The following MDM2 variants were observed in gnomAD, a reference collection of about 807,000 sequenced individuals.
MDM2 encodes the protein MDM2 proto-oncogene.
A neutral mutation model predicts 64.3 loss-of-function variants in MDM2; 11 were observed. The observed-to-expected ratio is 0.17, with a 90% CI of 0.11 to 0.28. The LOEUF (loss-of-function observed/expected upper bound fraction) is 0.28. Among genes scored for constraint, MDM2 ranks in the 10% least tolerant of loss-of-function variants. The probability of loss-of-function intolerance (pLI) is 1.00; values close to 1 mark genes in which losing one functional copy is unlikely to be tolerated. For missense variants in MDM2, 388 were observed against 577.1 expected (o/e 0.67, Z 3.36); for synonymous variants, 194 against 192.9 (o/e 1.01, Z -0.05).
rs757991854 is a variant in MDM2, at chr12:68,820,394, C to T, written c.358+20C>T. On this transcript the variant is annotated intron_variant, in intron 5 of 10. Transcript: ENST00000258149. ...AGCAGGGTAAGTTAATTTTGAGCAT[C>T]ATGGATAAATACCATAAAAACGTTT... 1.1e-5 allele frequency: 17 copies of T among 1,583,074 alleles called. No individual in the cohort carries two copies. In the South Asian group the frequency reaches 1.7e-4, roughly 16 times the overall value.
intron 4 of MDM2, among the ~76,000 whole-genome samples, chr12:68,817,749 A>G (rs1384995152): frequency 6.6e-6 from 1 of 151,948 alleles, no homozygotes; most frequent in African/African-American, 2.4e-5. Context: ...GCAAAACTGC[A>G]TCTGAAAAAA....
At chr12:68,820,671 A>G (rs1401085662) in intron 5 of MDM2, among the ~76,000 whole-genome samples, 1 of 152,204 alleles carries the variant, frequency 6.6e-6, no homozygotes, top group East Asian at 1.9e-4. Context: ...CTACCTTGAA[A>G]ATGTATTGAA....
chr12:68,822,747 T>C (rs1045372955), intron 5 of MDM2, among the ~76,000 whole-genome samples: 1 of 48,264 alleles, frequency 2.1e-5, no homozygotes, highest in Non-Finnish European at 4.6e-5. Context: ...ACTTTGTCAC[T>C]TTTTTTTTTT....
At chr12:68,813,717 A>C in intron 3 of MDM2, 89 bp downstream of exon 3, 1 of 889,636 alleles carries the variant, frequency 1.1e-6, no homozygotes, top group Non-Finnish European at 1.8e-6. Context: ...AATTGGCCAT[A>C]TAGAAGGATT....
chr12:68,841,396 C>T lies in MDM2; in HGVS notation c.*1547C>T, dbSNP rs564545272. The T allele has an allele frequency of 9.6e-6, 2 of 208,136 alleles. No homozygotes were observed. Among genetic ancestry groups the T allele is most frequent in the East Asian group, 1.4e-4 (2 of 13,800 alleles). The allele number at this position is 208,136 out of a possible 1,614,324, so 12.9% of individuals were successfully genotyped here. The stretch of plus-strand genomic sequence containing the variant: ...GATTACAGGCGTTAGCCACCACACC[C>T]GGCTGTAAAAATGTACTTATTCTCC... On this transcript the variant is annotated 3_prime_UTR_variant, in exon 11 of 11. Coordinates refer to ENST00000258149, the MANE Select transcript of MDM2 (RefSeq NM_002392.6).
downstream of MDM2, chr12:68,846,157 G>A (rs1365554795): frequency 6.6e-6 from 1 of 152,232 alleles, no homozygotes; most frequent in Non-Finnish European, 1.5e-5. Context: ...GTTTCAGCAT[G>A]TTGTCCAGGC....
chr12:68,808,373 A>C lies in MDM2; in HGVS notation c.-105A>C. 6.8e-7 allele frequency: 1 copy of C among 1,477,896 alleles called. No individual in the cohort carries two copies. Among genetic ancestry groups the C allele is most frequent in the East Asian group, 2.3e-5 (1 of 43,746 alleles). The allele number at this position is 1,477,896 out of a possible 1,614,324, so 91.5% of individuals were successfully genotyped here. A position where few individuals can be genotyped will look rare whatever the true frequency, so the allele number is the denominator to read the frequency against. Reference sequence around the variant, plus strand: ...ACGAGCGCCCAGTGCCCTGGCCCGGAGAGTGGAATGATCCCCGAGGCCCAG... The same window carrying C: ...ACGAGCGCCCAGTGCCCTGGCCCGGCGAGTGGAATGATCCCCGAGGCCCAG... On this transcript the variant is annotated 5_prime_UTR_variant, in exon 1 of 11. Coordinates refer to ENST00000258149, the MANE Select transcript of MDM2 (RefSeq NM_002392.6).
At chr12:68,812,636 G>A (rs1881005095) in intron 2 of MDM2, among the ~76,000 whole-genome samples, 1 of 152,100 alleles carries the variant, frequency 6.6e-6, no homozygotes, top group Non-Finnish European at 1.5e-5. Flanking sequence ...TTTTTGTAGA[G>A]GTGGAGTCTC....
At chr12:68,831,505 C>T (rs932131537) in intron 8 of MDM2, among the ~76,000 whole-genome samples, 1 of 152,124 alleles carries the variant, frequency 6.6e-6, no homozygotes, top group Non-Finnish European at 1.5e-5. Context: ...TGTTAGGTAC[C>T]TGATGGAGCA....
At position 68,834,122 on chromosome 12, in the gene MDM2, A is replaced by C. The variant is rs115722191; in HGVS notation, c.685-1707A>C. On this transcript the variant is annotated intron_variant, in intron 8 of 10. Coordinates refer to ENST00000258149, the MANE Select transcript of MDM2 (RefSeq NM_002392.6). ...ATCATTTAATCTAAGCTCCTTTTCT[A>C]GATGAAGTAGCTACAGCCTTTAGAA... Among the ~76,000 whole-genome samples, 758 of 152,276 alleles carry C rather than the reference A, an allele frequency of 5.0e-3. 5 individuals carry two copies. The highest frequency in any genetic ancestry group is 0.017 in the African/African-American group (708 of 41,566).
In MDM2 at chr12:68,839,568, A is replaced by G. The variant is rs1293580721; in HGVS notation, c.1213A>G (p.Thr405Ala). 3 of 1,613,900 alleles carry G rather than the reference A, an allele frequency of 1.9e-6. No individual in the cohort carries two copies. The highest frequency in any genetic ancestry group is 2.5e-6 in the Non-Finnish European group (3 of 1,180,034). ...AAGTGAAGACTATTCTCAGCCATCA[A>G]CTTCTAGTAGCATTATTTATAGCAG... ...QESEDYSQPS[T>A]SSSIIYSSQE... The change falls in exon 11 of 11, where the codon ACT becomes GCT. Residue 405 changes from threonine to alanine, a missense_variant. Around this residue, in one of 5 missense-constraint regions of MDM2, gnomAD observed 138 missense variants for 143.7 expected, o/e 0.96. Coordinates refer to ENST00000258149, the MANE Select transcript of MDM2 (RefSeq NM_002392.6).
At position 68,809,280 on chromosome 12, in the gene MDM2, A is replaced by G. The variant is rs774382161; in HGVS notation, c.87A>G (p.Glu29=). 4.3e-6 allele frequency: 7 copies of G among 1,614,082 alleles called. No individual in the cohort carries two copies. The highest frequency in any genetic ancestry group is 5.9e-6 in the Non-Finnish European group (7 of 1,179,934). The change falls in exon 2 of 11, where the codon GAA becomes GAG. Residue 29 remains glutamate, a synonymous_variant. Transcript: ENST00000258149. ...AVTTSQIPAS[E]QETLVRPKPL... The stretch of plus-strand genomic sequence containing the variant: ...CCACCTCACAGATTCCAGCTTCGGA[A>G]CAAGAGACCCTGGTTAGTATTTTTG...
At position 68,836,632 on chromosome 12, in the gene MDM2, A is replaced by G. The variant is rs186764382; in HGVS notation, c.841-40A>G. 1.7e-4 allele frequency: 245 copies of G among 1,407,560 alleles called. No homozygotes were observed. The African/African-American group carries it at 3.1e-3, about 18-fold the overall frequency. 87.2% of individuals were successfully genotyped at this position (1,407,560 alleles called of 1,614,324 possible). On this transcript the variant is annotated intron_variant, in intron 9 of 10. Coordinates refer to ENST00000258149, the MANE Select transcript of MDM2 (RefSeq NM_002392.6). ...CTAGGAAGCCTTCTGATTGAAGGAA[A>G]TAGGGCGATGAATTGATGCTAATGA...
Position 68,838,547 on chromosome 12 carries a change from A to G in MDM2, c.919-727A>G, listed in dbSNP as rs114853499. On this transcript the variant is annotated intron_variant, in intron 10 of 10. Transcript: ENST00000258149. ...TTTCTCTTGTGGATGGAGTTAGGGA[A>G]TACTCAGTTAAGCCATGGTTTTAGA... Among the ~76,000 whole-genome samples the G allele has an allele frequency of 1.4e-3, 217 of 152,310 alleles. 1 individual carries two copies. The highest frequency in any genetic ancestry group is 5.1e-3 in the African/African-American group (211 of 41,572).
At chr12:68,814,678 T>A (rs947038994) in intron 3 of MDM2, 1 of 298,026 alleles carries the variant, frequency 3.4e-6, no homozygotes, top group Non-Finnish European at 6.7e-6. Flanking sequence ...TACTGATCTT[T>A]CTGGGATAGA....
chr12:68,844,617 CTT>C lies in MDM2; in HGVS notation c.*4769_*4770del, dbSNP rs1350353219. 1.3e-5 allele frequency: 3 copies of C among 227,166 alleles called. No individual in the cohort carries two copies. The East Asian group carries it at 1.9e-4, about 14-fold the overall frequency. 14.1% of individuals were successfully genotyped at this position (227,166 alleles called of 1,614,324 possible). A position where few individuals can be genotyped will look rare whatever the true frequency, so the allele number is the denominator to read the frequency against. ...GAAAGTTCCACCAAGCTGGGAACCT[CTT>C]GATTGTGAGGCACAAATGTAAGTAC... On this transcript the variant is annotated 3_prime_UTR_variant, in exon 11 of 11. Coordinates refer to ENST00000258149, the MANE Select transcript of MDM2 (RefSeq NM_002392.6).
At position 68,839,846 on chromosome 12, in the gene MDM2, C is replaced by T. The variant is rs757161769; in HGVS notation, c.1491C>T (p.Pro497=). ...AAATGATTGTGCTAACTTATTTCCC[C>T]TAGTTGACCTGTCTATAAGAGAATT... ...PIQMIVLTYF[P] is the part of the protein sequence containing the mutation. Residue 497 remains proline (P), a synonymous_variant, in exon 11 of 11, where the codon CCC becomes CCT. Coordinates refer to ENST00000258149, the MANE Select transcript of MDM2 (RefSeq NM_002392.6). The T allele has an allele frequency of 2.5e-6, 4 of 1,613,524 alleles. No individual in the cohort carries two copies. Among genetic ancestry groups the T allele is most frequent in the South Asian group, 1.1e-5 (1 of 91,006 alleles).
At chr12:68,828,369 T>C (rs1882508192) in intron 7 of MDM2, 1 of 155,190 alleles carries the variant, frequency 6.4e-6, no homozygotes, top group Admixed American at 6.3e-5. Flanking sequence ...AAAATAGTAT[T>C]CTCAGCCTAG....
intron 5 of MDM2, among the ~76,000 whole-genome samples, chr12:68,823,116 A>T (rs1318737744): frequency 6.6e-6 from 1 of 152,068 alleles, no homozygotes. Flanking sequence ...GGACAATATA[A>T]CCTATTATGT....
Sources: gnomAD v4.1 joint callset for allele counts (sites outside exome capture counted in the v4.1 genomes callset) on GRCh38, gnomAD v4.1.1 for gene constraint, gnomAD v4.1.1 regional missense constraint, MANE v1.5 for transcripts, NCBI Gene and HGNC (gene_info 2026-07-23, HGNC 2026-07-21) for gene names.